Variants in ALOX5 observed in about 807,000 individuals in gnomAD.
The protein encoded by ALOX5 is polyunsaturated fatty acid 5-lipoxygenase.
In ALOX5, 64 loss-of-function variants were observed where a neutral mutation model predicts 87.9. The ratio of observed to expected loss-of-function variants is 0.73; its 90% CI spans 0.60 to 0.90. The LOEUF is 0.90. Among genes scored for constraint, ALOX5 ranks in the 40% least tolerant of loss-of-function variants. The pLI is 0.00. For synonymous variants in ALOX5, 388 were observed against 355.1 expected (o/e 1.09, Z -1.04); for missense variants, 822 against 907.5 (o/e 0.91, Z 1.21).
intron 3 of ALOX5, among the ~76,000 whole-genome samples, chr10:45,399,462 A>G (rs897319205): frequency 2.6e-5 from 4 of 152,254 alleles, no homozygotes; most frequent in African/African-American, 9.6e-5. Flanking sequence ...TTATATTTCA[A>G]TAACGCTGCT....
chr10:45,406,760 T>C (rs1199825427), intron 3 of ALOX5, among the ~76,000 whole-genome samples: 1 of 152,250 alleles, frequency 6.6e-6, no homozygotes, highest in Non-Finnish European at 1.5e-5. Context: ...GTTTGTTTGT[T>C]GTTAGTGAGT....
At chr10:45,408,912 G>A (rs975098001) in intron 3 of ALOX5, among the ~76,000 whole-genome samples, 1 of 152,124 alleles carries the variant, frequency 6.6e-6, no homozygotes, top group East Asian at 1.9e-4. Context: ...ATAATTAGTT[G>A]TCGAATGAAC....
intron 1 of ALOX5, 76 bp downstream of exon 1, chr10:45,374,505 G>A (rs1346799468): frequency 2.2e-6 from 3 of 1,340,406 alleles, no homozygotes; most frequent in Non-Finnish European, 9.7e-7. Flanking sequence ...AGAGGCCTGG[G>A]CGGGGGCGCC....
At chr10:45,432,737 CTAAT>C (rs1476980267) in intron 7 of ALOX5, among the ~76,000 whole-genome samples, 2 of 152,086 alleles carry the variant, frequency 1.3e-5, no homozygotes, top group African/African-American at 2.4e-5. Context: ...TTTAGAAAAA[CTAAT>C]TACGCAGACA....
At chr10:45,384,833 C>CCATTAT (rs1554789077) in intron 2 of ALOX5, among the ~76,000 whole-genome samples, 9 of 149,156 alleles carry the variant, frequency 6.0e-5, no homozygotes, top group Admixed American at 1.3e-4. Flanking sequence ...AATTTGTGGC[C>CCATTAT]TATTATTATT....
intron 1 of ALOX5, among the ~76,000 whole-genome samples, chr10:45,375,618 TTG>T (rs1395538181): frequency 6.6e-6 from 1 of 152,196 alleles, no homozygotes; most frequent in African/African-American, 2.4e-5. Context: ...TGGATAAAAT[TTG>T]TGTTTTAGGT....
At chr10:45,388,559 T>A (rs1840082989) in intron 2 of ALOX5, among the ~76,000 whole-genome samples, 1 of 152,270 alleles carries the variant, frequency 6.6e-6, no homozygotes, top group Non-Finnish European at 1.5e-5. Flanking sequence ...CAGCCTCTGC[T>A]GCTGATACTC....
chr10:45,382,725 G>A lies in ALOX5; in HGVS notation c.349+44G>A, dbSNP rs2303887. 6.3e-3 allele frequency: 9,921 copies of A among 1,573,706 alleles called. 169 individuals are homozygous for A. Among genetic ancestry groups the A allele is most frequent in the East Asian group, 0.054 (2,295 of 42,540 alleles). On this transcript the variant is annotated intron_variant, in intron 2 of 13. Transcript: ENST00000374391. ...TTCTGCCCCGGGCTTCCCAAGAACC[G>A]AAAGTTCTTCCTGTCCTCAAAGCAC...
In ALOX5 at chr10:45,415,027, C is replaced by T. The variant is rs540500682; in HGVS notation, c.554+2714C>T. Among the ~76,000 whole-genome samples, 12 of 152,318 alleles carry T rather than the reference C, an allele frequency of 7.9e-5. No individual in the cohort carries two copies. In the South Asian group the frequency reaches 1.9e-3, roughly 24 times the overall value. ...TCAACCATTGTGGAAGACAGTGTGA[C>T]GATTCCTCAAGGATCTAGAACTAGA... is the stretch of plus-strand genomic sequence containing the variant. On this transcript the variant is annotated intron_variant, in intron 4 of 13. Transcript: ENST00000374391.
chr10:45,387,644 T>C (rs1490852197), intron 2 of ALOX5, among the ~76,000 whole-genome samples: 1 of 152,108 alleles, frequency 6.6e-6, no homozygotes, highest in Non-Finnish European at 1.5e-5. Flanking sequence ...CCAAGCCCAG[T>C]GAGAACCAAG....
intron 3 of ALOX5, among the ~76,000 whole-genome samples, chr10:45,407,415 G>T (rs1840924484): frequency 6.6e-6 from 1 of 150,696 alleles, no homozygotes; most frequent in Non-Finnish European, 1.5e-5. Flanking sequence ...CCCCCACCTA[G>T]GACTTGTCAT....
intron 4 of ALOX5, among the ~76,000 whole-genome samples, chr10:45,423,659 G>A (rs1163106723): frequency 1.3e-5 from 2 of 152,218 alleles, no homozygotes; most frequent in African/African-American, 2.4e-5. Context: ...CAATTGAACT[G>A]TTCATCGCCC....
chr10:45,402,914 G>C (rs1031607806), intron 3 of ALOX5, among the ~76,000 whole-genome samples: 2 of 152,170 alleles, frequency 1.3e-5, no homozygotes, highest in South Asian at 2.1e-4. Flanking sequence ...AGGACTCGGG[G>C]AAATCAGAAG....
intron 4 of ALOX5, among the ~76,000 whole-genome samples, chr10:45,415,081 T>C (rs1468248039): frequency 3.9e-5 from 6 of 152,194 alleles, no homozygotes; most frequent in South Asian, 2.1e-4. Flanking sequence ...CATCCCATTA[T>C]CGGGTATATA....
intron 2 of ALOX5, among the ~76,000 whole-genome samples, 189 bp from the exon 3 acceptor site, chr10:45,395,666 A>G (rs964884599): frequency 3.3e-5 from 5 of 152,212 alleles, no homozygotes; most frequent in African/African-American, 1.2e-4. Context: ...GTTCAAGAGC[A>G]AAGCTACACA....
chr10:45,444,054 AG>A, intron 12 of ALOX5, 61 bp from the exon 13 acceptor site: 4 of 1,485,010 alleles, frequency 2.7e-6, no homozygotes, highest in Non-Finnish European at 2.7e-6. Context: ...GACGGGGCCC[AG>A]GGGGCAGCTG....
At chr10:45,405,954 C>T (rs753810967) in intron 3 of ALOX5, among the ~76,000 whole-genome samples, 3 of 152,162 alleles carry the variant, frequency 2.0e-5, no homozygotes, top group African/African-American at 4.8e-5. Context: ...CGGTAGCATT[C>T]GTTCCTGACT....
intron 3 of ALOX5, among the ~76,000 whole-genome samples, chr10:45,408,481 G>C (rs1054845025): frequency 6.6e-6 from 1 of 152,098 alleles, no homozygotes; most frequent in Non-Finnish European, 1.5e-5. Flanking sequence ...TAAGATAAGG[G>C]GTTGTGGAAA....
intron 7 of ALOX5, among the ~76,000 whole-genome samples, chr10:45,431,074 A>G (rs1465645918): frequency 1.3e-5 from 2 of 152,256 alleles, no homozygotes; most frequent in African/African-American, 2.4e-5. Flanking sequence ...CAAGAGAGCT[A>G]CCACCATAAT....
Sources: allele counts gnomAD v4.1 joint callset (sites outside exome capture counted in the v4.1 genomes callset), GRCh38; gene constraint gnomAD v4.1.1; transcripts MANE v1.5; gene names NCBI Gene and HGNC (gene_info 2026-07-23, HGNC 2026-07-21).